Variants in ME3 observed in about 807,000 individuals in gnomAD.
ME3 encodes malic enzyme 3, also known as NADP-dependent malic enzyme, mitochondrial.
A neutral mutation model predicts 68.9 loss-of-function variants in ME3; 48 were observed. That is an observed-to-expected ratio of 0.70 (90% CI 0.55 to 0.89). The LOEUF (loss-of-function observed/expected upper bound fraction) is 0.89. Ranked by LOEUF, ME3 falls within the 40% of genes least tolerant of loss-of-function variation. The pLI, the probability that ME3 is intolerant of heterozygous loss-of-function variation, is 0.00. For synonymous variants in ME3, 320 were observed against 318.8 expected (o/e 1.00, Z -0.04); for missense variants, 675 against 797.4 (o/e 0.85, Z 1.85).
At chr11:86,534,370 C>G (rs77479914) in intron 4 of ME3, among the ~76,000 whole-genome samples, 364 of 152,094 alleles carry the variant, frequency 2.4e-3, no homozygotes, top group Admixed American at 3.5e-3. Context: ...CTCTTTGACT[C>G]TTTTTAAATA....
chr11:86,477,582 T>C (rs1463856951), intron 7 of ME3, among the ~76,000 whole-genome samples: 1 of 152,202 alleles, frequency 6.6e-6, no homozygotes, highest in Non-Finnish European at 1.5e-5. Context: ...AAGTTTCAGT[T>C]CTGGGGATGA....
At chr11:86,597,563 C>T (rs947055166) in intron 2 of ME3, among the ~76,000 whole-genome samples, 3 of 152,228 alleles carry the variant, frequency 2.0e-5, no homozygotes, top group Non-Finnish European at 4.4e-5. Context: ...GAAGTATGCT[C>T]TCTGGAGCAT....
At chr11:86,634,660 C>T (rs1426238964) in intron 2 of ME3, among the ~76,000 whole-genome samples, 2 of 150,778 alleles carry the variant, frequency 1.3e-5, no homozygotes, top group Admixed American at 6.6e-5. Context: ...ATCACATTCA[C>T]ATGCTAGTAA....
At chr11:86,466,252 TTG>T (rs2138743299) in intron 7 of ME3, among the ~76,000 whole-genome samples, 1 of 152,340 alleles carries the variant, frequency 6.6e-6, no homozygotes, top group South Asian at 2.1e-4. Context: ...ATAGTTTTGT[TTG>T]TGTCTTTAGC....
chr11:86,481,274 A>C (rs1306802123), intron 7 of ME3, among the ~76,000 whole-genome samples: 4 of 136,912 alleles, frequency 2.9e-5, no homozygotes, highest in African/African-American at 1.1e-4. Context: ...GCTGGTCTTG[A>C]ACTCCTGGCC....
chr11:86,505,421 G>A lies in ME3; in HGVS notation c.543+3371C>T, dbSNP rs1953006412. 2.0e-5 allele frequency among the ~76,000 whole-genome samples: 3 copies of A among 152,130 alleles called. No individual in the cohort carries two copies. In the South Asian group the frequency reaches 6.2e-4, roughly 31 times the overall value. On this transcript the variant is annotated intron_variant, in intron 5 of 14. Transcript: ENST00000543262. ...TTTTCCAGAGAAGCCAGAAATCCAAGTGCTTGGATATATATTTCTCATGAA... is the reference window on the plus strand; with the variant it reads ...TTTTCCAGAGAAGCCAGAAATCCAAATGCTTGGATATATATTTCTCATGAA...
intron 8 of ME3, among the ~76,000 whole-genome samples, chr11:86,458,864 T>C (rs1019807215): frequency 6.6e-6 from 1 of 152,188 alleles, no homozygotes; most frequent in African/African-American, 2.4e-5. Flanking sequence ...CCTGTCTGCC[T>C]CTTCCCTATT....
At chr11:86,598,622 G>C (rs1959995550) in intron 2 of ME3, among the ~76,000 whole-genome samples, 1 of 152,054 alleles carries the variant, frequency 6.6e-6, no homozygotes, top group South Asian at 2.1e-4. Flanking sequence ...TGCAGCTGGA[G>C]ATCTGAGAAT....
At chr11:86,483,261 AG>A (rs1244846154) in intron 7 of ME3, among the ~76,000 whole-genome samples, 1 of 152,168 alleles carries the variant, frequency 6.6e-6, no homozygotes, top group African/African-American at 2.4e-5. Flanking sequence ...ATGGAATGGG[AG>A]GAGTCCCATT....
intron 3 of ME3, 133 bp from the exon 4 acceptor site, chr11:86,556,835 G>T: frequency 1.1e-6 from 1 of 886,766 alleles, no homozygotes; most frequent in Non-Finnish European, 1.7e-6. Flanking sequence ...CATCTGCCCT[G>T]AGCATGAGCT....
rs149748754 is a variant in ME3, at chr11:86,565,604, C to G, written c.184-5781G>C. Reference sequence around the variant, plus strand: ...ATGGATGAACCTTGAAAACACTATGCTAAGTAAAATAAGCCAGACACAAAA... The same window carrying G: ...ATGGATGAACCTTGAAAACACTATGGTAAGTAAAATAAGCCAGACACAAAA... On this transcript the variant is annotated intron_variant, in intron 2 of 14. Transcript: ENST00000543262. 3.1e-3 allele frequency among the ~76,000 whole-genome samples: 476 copies of G among 152,266 alleles called. 1 individual carries two copies. The highest frequency in any genetic ancestry group is 6.0e-3 in the South Asian group (29 of 4,824).
chr11:86,468,695 T>C (rs1288337305), intron 7 of ME3, among the ~76,000 whole-genome samples: 3 of 152,256 alleles, frequency 2.0e-5, no homozygotes, highest in Non-Finnish European at 4.4e-5. Context: ...TTCATCCCTG[T>C]ACATCCAAAT....
At chr11:86,531,962 AACTT>A (rs912310105) in intron 4 of ME3, among the ~76,000 whole-genome samples, 2 of 145,522 alleles carry the variant, frequency 1.4e-5, no homozygotes, top group African/African-American at 5.1e-5. Flanking sequence ...TGTACCCTAA[AACTT>A]AAAGTATAAT....
chr11:86,464,054 G>A (rs1472813630), intron 8 of ME3: 9 of 436,044 alleles, frequency 2.1e-5, no homozygotes, highest in African/African-American at 1.2e-4. Flanking sequence ...CTGAGTTTGA[G>A]TTCTTTTCTT....
At chr11:86,499,566 T>A (rs946380228) in intron 5 of ME3, among the ~76,000 whole-genome samples, 11 of 152,214 alleles carry the variant, frequency 7.2e-5, no homozygotes, top group Non-Finnish European at 1.3e-4. Context: ...TGGAAGAGTT[T>A]ATGATCTGGT....
chr11:86,551,035 G>T (rs951171337), intron 4 of ME3, among the ~76,000 whole-genome samples: 19 of 151,896 alleles, frequency 1.3e-4, no homozygotes, highest in African/African-American at 4.6e-4. Flanking sequence ...AGACAAGAAG[G>T]TTCCAATGCA....
At chr11:86,546,156 A>G (rs1956346973) in intron 4 of ME3, among the ~76,000 whole-genome samples, 1 of 152,222 alleles carries the variant, frequency 6.6e-6, no homozygotes, top group Admixed American at 6.5e-5. Context: ...CCTTATACAA[A>G]AATTTACTCA....
At chr11:86,611,873 A>T (rs1315968341) in intron 2 of ME3, among the ~76,000 whole-genome samples, 1 of 152,208 alleles carries the variant, frequency 6.6e-6, no homozygotes, top group Non-Finnish European at 1.5e-5. Context: ...AATATCAACC[A>T]TTTATTGGAT....
chr11:86,479,782 G>A (rs1951284438), intron 7 of ME3, among the ~76,000 whole-genome samples: 1 of 151,580 alleles, frequency 6.6e-6, no homozygotes, highest in African/African-American at 2.4e-5. Flanking sequence ...TGGAAGGACT[G>A]TAAGGTTGTT....
Sources: gnomAD v4.1 joint callset for allele counts (sites outside exome capture counted in the v4.1 genomes callset) on GRCh38, gnomAD v4.1.1 for gene constraint, MANE v1.5 for transcripts, NCBI Gene and HGNC (gene_info 2026-07-23, HGNC 2026-07-21) for gene names.